Variants in MALRD1 observed in about 807,000 individuals in gnomAD.
The protein encoded by MALRD1 is MAM and LDL receptor class A domain containing 1, also known as MAM and LDL-receptor class A domain-containing protein 1.
MALRD1 carries 247 observed loss-of-function variants against 242.1 expected under a neutral mutation model. The ratio of observed to expected loss-of-function variants is 1.02; its 90% CI spans 0.92 to 1.13. The LOEUF (loss-of-function observed/expected upper bound fraction) is 1.13. MALRD1 is among the 50% of genes most tolerant of loss of function. The pLI, the probability that MALRD1 is intolerant of heterozygous loss-of-function variation, is 0.00. For missense variants in MALRD1, 2,989 were observed against 2,533.1 expected, an observed-to-expected ratio of 1.18 and a Z score of -3.86; for synonymous variants, 995 against 866.6, an observed-to-expected ratio of 1.15 and a Z score of -2.60.
chr10:19,192,420 G>T (rs1836020676), intron 14 of MALRD1, among the ~76,000 whole-genome samples: 1 of 152,134 alleles, frequency 6.6e-6, no homozygotes, highest in South Asian at 2.1e-4. Flanking sequence ...TACCACTGCT[G>T]GTTTAAAGAT....
chr10:19,197,090 T>C (rs1239123499), intron 14 of MALRD1, among the ~76,000 whole-genome samples: 1 of 152,050 alleles, frequency 6.6e-6, no homozygotes, highest in Admixed American at 6.6e-5. Flanking sequence ...GCACGTCTTA[T>C]ATGGTGGCAG....
chr10:19,292,595 C>G (rs1340195351), intron 21 of MALRD1, among the ~76,000 whole-genome samples: 2 of 152,040 alleles, frequency 1.3e-5, no homozygotes, highest in African/African-American at 2.4e-5. Flanking sequence ...AAACTAAAAG[C>G]CACATAAATA....
In MALRD1 at chr10:19,550,851, C is replaced by T. The variant is rs187640212; in HGVS notation, c.5479-16651C>T. Among the ~76,000 whole-genome samples the T allele has an allele frequency of 2.8e-3, 427 of 152,126 alleles. 1 individual carries two copies. Among genetic ancestry groups the T allele is most frequent in the African/African-American group, 9.5e-3 (393 of 41,496 alleles). On this transcript the variant is annotated intron_variant, in intron 32 of 39. Coordinates refer to ENST00000454679, the MANE Select transcript of MALRD1 (RefSeq NM_001142308.3). ...ATAATAGAATGATTTATATTTTGGG[C>T]GGTATATACCCCATAATGGGATTGC...
At chr10:19,617,235 A>T in intron 36 of MALRD1, among the ~76,000 whole-genome samples, 1 of 151,992 alleles carries the variant, frequency 6.6e-6, no homozygotes, top group Admixed American at 6.6e-5. Flanking sequence ...TAAAATCCAG[A>T]TGGTGAAGTC....
intron 36 of MALRD1, among the ~76,000 whole-genome samples, chr10:19,627,947 T>C (rs1839739253): frequency 6.6e-6 from 1 of 150,740 alleles, no homozygotes; most frequent in Non-Finnish European, 1.5e-5. Context: ...TCAACACACA[T>C]CTGAAAAAAA....
intron 34 of MALRD1, among the ~76,000 whole-genome samples, chr10:19,605,774 T>C (rs893450074): frequency 1.3e-5 from 2 of 152,124 alleles, no homozygotes; most frequent in Non-Finnish European, 2.9e-5. Context: ...TTTGACCTTA[T>C]GGAATTTCTT....
chr10:19,323,709 A>G (rs1421273678), intron 21 of MALRD1, among the ~76,000 whole-genome samples: 1 of 152,100 alleles, frequency 6.6e-6, no homozygotes, highest in African/African-American at 2.4e-5. Context: ...CCTGGGTTCA[A>G]GTGATTCTCC....
chr10:19,721,462 C>A (rs1236528788), intron 38 of MALRD1: 1 of 151,796 alleles, frequency 6.6e-6, no homozygotes. Flanking sequence ...CTATTCCCAC[C>A]AGTGAAATGA....
chr10:19,219,687 G>A (rs1837477459), intron 18 of MALRD1, among the ~76,000 whole-genome samples: 1 of 152,152 alleles, frequency 6.6e-6, no homozygotes, highest in East Asian at 1.9e-4. Flanking sequence ...GCCTCCCAGA[G>A]TGTTGGGATT....
intron 28 of MALRD1, among the ~76,000 whole-genome samples, chr10:19,398,480 G>A (rs1446938426): frequency 6.6e-6 from 1 of 152,130 alleles, no homozygotes; most frequent in Non-Finnish European, 1.5e-5. Flanking sequence ...TTTTGAGACA[G>A]CCAAAGTATT....
intron 29 of MALRD1, chr10:19,488,772 A>C (rs1227412884): frequency 3.7e-6 from 1 of 268,866 alleles, no homozygotes; most frequent in African/African-American, 2.2e-5. Flanking sequence ...TTTATGTACT[A>C]GGTAATGATC....
chr10:19,703,115 A>T (rs1365198672), intron 38 of MALRD1, among the ~76,000 whole-genome samples: 1 of 152,170 alleles, frequency 6.6e-6, no homozygotes, highest in African/African-American at 2.4e-5. Context: ...GCAACTCAAG[A>T]TGATTTGATC....
chr10:19,501,568 GACA>G (rs1589162901), intron 31 of MALRD1, among the ~76,000 whole-genome samples: 1 of 152,160 alleles, frequency 6.6e-6, no homozygotes, highest in Admixed American at 6.5e-5. Flanking sequence ...TTCTAAAGCA[GACA>G]ACAACTAGTA....
At chr10:19,237,197 A>G (rs953500106) in intron 18 of MALRD1, among the ~76,000 whole-genome samples, 65 of 151,794 alleles carry the variant, frequency 4.3e-4, no homozygotes, top group African/African-American at 1.5e-3. Flanking sequence ...ACTTTTAACT[A>G]TAGTCACCCT....
chr10:19,088,226 A>T (rs2131297821), intron 4 of MALRD1, 41 bp downstream of exon 4: 1 of 1,228,766 alleles, frequency 8.1e-7, no homozygotes, highest in African/African-American at 1.6e-5. Flanking sequence ...TTGAAGAAAA[A>T]TAAGATACAG....
intron 29 of MALRD1, among the ~76,000 whole-genome samples, chr10:19,471,908 T>C (rs1329061759): frequency 6.6e-6 from 1 of 151,940 alleles, no homozygotes; most frequent in East Asian, 1.9e-4. Context: ...TTTGGATGAC[T>C]TTTATTTCCT....
intron 26 of MALRD1, among the ~76,000 whole-genome samples, chr10:19,368,919 G>A (rs1480978193): frequency 2.3e-5 from 3 of 132,576 alleles, no homozygotes; most frequent in Non-Finnish European, 4.9e-5. Flanking sequence ...GTGTGTGTGT[G>A]TGTATGTAAT....
intron 10 of MALRD1, among the ~76,000 whole-genome samples, chr10:19,145,369 C>T (rs1292812842): frequency 6.6e-6 from 1 of 152,078 alleles, no homozygotes; most frequent in Non-Finnish European, 1.5e-5. Context: ...TCAGGCTGGG[C>T]ACAGTGGCTC....
chr10:19,270,807 A>AACACAC (rs71387059), intron 19 of MALRD1, among the ~76,000 whole-genome samples: 34,104 of 144,864 alleles, frequency 0.24, 4,130 homozygotes, highest in South Asian at 0.44. Context: ...TTCAAAGGAT[A>AACACAC]ACACACACAC....
Sources: allele counts gnomAD v4.1 joint callset (sites outside exome capture counted in the v4.1 genomes callset), GRCh38; gene constraint gnomAD v4.1.1; transcripts MANE v1.5; gene names NCBI Gene and HGNC (gene_info 2026-07-23, HGNC 2026-07-21).